PGBD5: variants seen among roughly 807,000 people sequenced by gnomAD.
PGBD5 encodes piggyBac transposable element derived 5.
Under a neutral mutation model 47.9 loss-of-function variants are expected in PGBD5, and 14 were observed. That is an observed-to-expected ratio of 0.29 (90% confidence interval 0.19 to 0.46). The LOEUF (loss-of-function observed/expected upper bound fraction) is 0.46, where lower values mean the gene tolerates loss of function less well. Ranked by LOEUF, PGBD5 falls within the 20% of genes least tolerant of loss-of-function variation. The pLI is 1.00. For synonymous variants in PGBD5, 316 were observed against 306.3 expected, an observed-to-expected ratio of 1.03 and a Z score of -0.33; for missense variants, 635 against 716.0, an observed-to-expected ratio of 0.89 and a Z score of 1.29.
At chr1:230,335,682 GAC>G (rs1267875187) in intron 4 of PGBD5, among the ~76,000 whole-genome samples, 13 of 696 alleles carry the variant, frequency 0.019, no homozygotes, top group African/African-American at 0.04. Flanking sequence ...CACAGATACA[GAC>G]ACACAGACAC....
In PGBD5 at chr1:230,351,072, G is replaced by C. The variant is rs748194917; in HGVS notation, c.780C>G (p.Ile260Met). 2 of 1,613,376 alleles carry C rather than the reference G, an allele frequency of 1.2e-6. No individual in the cohort carries two copies. Among genetic ancestry groups the C allele is most frequent in the Non-Finnish European group, 1.7e-6 (2 of 1,179,740 alleles). ...SQTQVLHEPL[I>M]DEDPVFIATC... ...TGGCAATGAATACAGGATCCTCATC[G>C]ATCAGGGGTTCATGTAGCACCTGCC... Residue 260 changes from isoleucine to methionine, a missense_variant, in exon 3 of 7, where the codon ATC becomes ATG. Transcript: ENST00000391860.
intron 3 of PGBD5, among the ~76,000 whole-genome samples, chr1:230,350,625 C>T (rs938005053): frequency 1.3e-5 from 2 of 152,184 alleles, no homozygotes; most frequent in African/African-American, 2.4e-5. Context: ...GTAGAAACCT[C>T]GTATGACCCA....
At position 230,323,857 on chromosome 1, in the gene PGBD5, T is replaced by G. The variant is rs117839173; in HGVS notation, c.1380-237A>C. Among the ~76,000 whole-genome samples the G allele has an allele frequency of 8.4e-3, 1,282 of 152,218 alleles. 14 individuals are homozygous for G. Among genetic ancestry groups the G allele is most frequent in the East Asian group, 0.051 (266 of 5,168 alleles). ...AATGAAAACAACAAGGTTGCTGGAG[T>G]AGACCCTGAAAGCCAGGTGCCAGGT... On this transcript the variant is annotated intron_variant, in intron 6 of 6. Coordinates refer to ENST00000391860, the MANE Select transcript of PGBD5 (RefSeq NM_001258311.2). This position sits in a 1 kb window ranked among gnomAD's most constrained non-coding sequence, Gnocchi z 4.1.
Position 230,425,980 on chromosome 1 carries a change from A to G in PGBD5, c.-52T>C, listed in dbSNP as rs1266952336. ...CCCCCACAGTGCCTCCCAGCCGCAC[A>G]CGCCGGGCCCTGGGCCCGCGCCGCG... On this transcript the variant is annotated 5_prime_UTR_variant, in exon 1 of 7. Coordinates refer to ENST00000391860, the MANE Select transcript of PGBD5 (RefSeq NM_001258311.2). This position sits in a 1 kb window ranked among gnomAD's most constrained non-coding sequence, Gnocchi z 4.7. 282 of 872,950 alleles carry G rather than the reference A, an allele frequency of 3.2e-4. No individual in the cohort carries two copies. Among genetic ancestry groups the G allele is most frequent in the Non-Finnish European group, 3.6e-4 (262 of 736,850 alleles). 54.1% of individuals were successfully genotyped at this position (872,950 alleles called of 1,614,324 possible). A position where few individuals can be genotyped will look rare whatever the true frequency, so the allele number is the denominator to read the frequency against.
At chr1:230,420,762 G>C (rs1352044132) in intron 1 of PGBD5, among the ~76,000 whole-genome samples, 1 of 152,034 alleles carries the variant, frequency 6.6e-6, no homozygotes, top group African/African-American at 2.4e-5. Context: ...CCAGTCTTGG[G>C]TATGTCTTTA....
At chr1:230,392,530 C>A (rs535996583) in intron 1 of PGBD5, among the ~76,000 whole-genome samples, 2 of 152,202 alleles carry the variant, frequency 1.3e-5, no homozygotes, top group South Asian at 4.1e-4. Context: ...ATCTCCGGCT[C>A]GCAGGAGCCC....
chr1:230,372,448 T>C (rs1667944228), intron 1 of PGBD5, among the ~76,000 whole-genome samples: 1 of 152,124 alleles, frequency 6.6e-6, no homozygotes. Flanking sequence ...CTATAAGCCA[T>C]ACCTAGCAAC....
intron 1 of PGBD5, among the ~76,000 whole-genome samples, chr1:230,410,730 A>C (rs1287039841): frequency 6.6e-6 from 1 of 152,190 alleles, no homozygotes; most frequent in African/African-American, 2.4e-5. Flanking sequence ...GGTATTTTAC[A>C]AATAAAAAGG....
At chr1:230,406,046 C>T (rs1457771580) in intron 1 of PGBD5, among the ~76,000 whole-genome samples, 2 of 152,158 alleles carry the variant, frequency 1.3e-5, no homozygotes, top group Non-Finnish European at 2.9e-5. Flanking sequence ...CAGTGGCTCA[C>T]GCCTGTAATC....
intron 1 of PGBD5, among the ~76,000 whole-genome samples, chr1:230,396,272 ACCCCCACACTCTTC>A: frequency 5.9e-5 from 1 of 17,002 alleles, no homozygotes; most frequent in East Asian, 1.5e-3. Flanking sequence ...CCTCCTTTTT[ACCCCCACACTCTTC>A]CCTTTTACCC....
chr1:230,365,521 C>T (rs1667814346), intron 1 of PGBD5, among the ~76,000 whole-genome samples: 2 of 152,172 alleles, frequency 1.3e-5, no homozygotes. Context: ...CTCAACACGA[C>T]ACGTGAGATT....
intron 1 of PGBD5, among the ~76,000 whole-genome samples, chr1:230,422,673 T>C (rs946280863): frequency 6.6e-6 from 1 of 151,864 alleles, no homozygotes; most frequent in African/African-American, 2.4e-5. Context: ...GCAAGGGCCC[T>C]CTCCACCCAT....
intron 5 of PGBD5, among the ~76,000 whole-genome samples, chr1:230,331,141 G>A (rs1010228648): frequency 3.9e-5 from 6 of 152,092 alleles, no homozygotes; most frequent in Non-Finnish European, 8.8e-5. Context: ...GGCTGGGCAT[G>A]GTGGCTCATG....
chr1:230,362,718 C>T (rs1239843043), intron 1 of PGBD5, among the ~76,000 whole-genome samples: 1 of 152,080 alleles, frequency 6.6e-6, no homozygotes, highest in Admixed American at 6.5e-5. Context: ...CTTGGAGCCT[C>T]GTATACAGCA....
intron 1 of PGBD5, among the ~76,000 whole-genome samples, chr1:230,405,938 C>T (rs553815678): frequency 1.3e-5 from 2 of 152,270 alleles, no homozygotes; most frequent in South Asian, 4.2e-4. Flanking sequence ...TAAATTAATG[C>T]CACAGTATTT....
Position 230,402,773 on chromosome 1 carries a change from C to T in PGBD5, c.331+22825G>A, listed in dbSNP as rs183978914. Among the ~76,000 whole-genome samples the T allele has an allele frequency of 2.2e-3, 337 of 152,322 alleles. 3 individuals carry two copies. Among genetic ancestry groups the T allele is most frequent in the African/African-American group, 7.4e-3 (309 of 41,578 alleles). On this transcript the variant is annotated intron_variant, in intron 1 of 6. Coordinates refer to ENST00000391860, the MANE Select transcript of PGBD5 (RefSeq NM_001258311.2). ...AAAGCACTGGGTTGATAGGCACGAG[C>T]CCCAGTGCCCAGCCAGCAACATTTT...
In PGBD5 at chr1:230,350,993, C is replaced by T. The variant is rs1173271338; in HGVS notation, c.859G>A (p.Val287Ile). The T allele has an allele frequency of 1.2e-6, 2 of 1,614,136 alleles. No individual in the cohort carries two copies. The stretch of plus-strand genomic sequence containing the variant: ...AAGCCAGTGGAAGAACATTGTCTGA[C>T]CCAGAGGCTGAATTTCCGCTTTTTC... ...KRKKRKFSLWVRQCSSTGFII... is the reference protein window; with the variant it reads ...KRKKRKFSLWIRQCSSTGFII... Residue 287 changes from valine to isoleucine, a missense_variant, in exon 3 of 7, where the codon GTC becomes ATC. Transcript: ENST00000391860.
Position 230,379,005 on chromosome 1 carries a change from C to T in PGBD5, c.332-21684G>A, listed in dbSNP as rs1371247828. Among the ~76,000 whole-genome samples the T allele has an allele frequency of 3.3e-5, 5 of 152,124 alleles. No individual in the cohort carries two copies. In the East Asian group the frequency reaches 9.6e-4, roughly 29 times the overall value. On this transcript the variant is annotated intron_variant, in intron 1 of 6. Coordinates refer to ENST00000391860, the MANE Select transcript of PGBD5 (RefSeq NM_001258311.2). ...CACCTTGAGGGGACGTTTTTCTGTT[C>T]AACAAAGCCACCCCAAGGACTAGGG...
rs545257095 is a variant in PGBD5, at chr1:230,315,720, T to C, written c.*7705A>G. 2 of 151,456 alleles carry C rather than the reference T, an allele frequency of 1.3e-5. No individual in the cohort carries two copies. The highest frequency in any genetic ancestry group is 6.6e-5 in the Admixed American group (1 of 15,228). The allele number at this position is 151,456 out of a possible 1,614,324, so 9.4% of individuals were successfully genotyped here. A position where few individuals can be genotyped will look rare whatever the true frequency, so the allele number is the denominator to read the frequency against. ...CACACACATACACACAAGATAGATA[T>C]ATATATTAAGTGGACACTGTATGTG... is the stretch of plus-strand genomic sequence containing the variant. On this transcript the variant is annotated 3_prime_UTR_variant, in exon 7 of 7. Coordinates refer to ENST00000391860, the MANE Select transcript of PGBD5 (RefSeq NM_001258311.2).
Sources: gnomAD v4.1 joint callset for allele counts (sites outside exome capture counted in the v4.1 genomes callset) on GRCh38, gnomAD v4.1.1 for gene constraint, Gnocchi (gnomAD v3.1) non-coding constraint, MANE v1.5 for transcripts, NCBI Gene and HGNC (gene_info 2026-07-23, HGNC 2026-07-21) for gene names.